LRRC4C: variants seen among roughly 807,000 people sequenced by gnomAD.
LRRC4C encodes the protein leucine rich repeat containing 4C, also known as leucine-rich repeat-containing protein 4C.
A neutral mutation model predicts 33.6 loss-of-function variants in LRRC4C; 5 were observed. That is an observed-to-expected ratio of 0.15 (90% CI 0.08 to 0.31). LRRC4C has a LOEUF of 0.31. Among genes scored for constraint, LRRC4C ranks in the 10% least tolerant of loss-of-function variants. LRRC4C has a pLI of 1.00. For synonymous variants in LRRC4C, 329 were observed against 302.0 expected (o/e 1.09, Z -0.93); for missense variants, 560 against 796.7 (o/e 0.70, Z 3.58).
chr11:40,308,171 A>G (rs1590264856), intron 4 of LRRC4C, among the ~76,000 whole-genome samples: 1 of 151,810 alleles, frequency 6.6e-6, no homozygotes, highest in African/African-American at 2.4e-5. Flanking sequence ...TCTTCCTGTG[A>G]TTTCAGAAAA....
At chr11:40,376,721 A>ATGTGTGTG (rs61662311) in intron 3 of LRRC4C, among the ~76,000 whole-genome samples, 6 of 147,854 alleles carry the variant, frequency 4.1e-5, no homozygotes, top group Admixed American at 2.0e-4. Context: ...GTGTGTGCTT[A>ATGTGTGTG]TGTGTGTGTG....
chr11:40,562,058 T>C (rs973365566), intron 3 of LRRC4C, among the ~76,000 whole-genome samples: 9 of 152,362 alleles, frequency 5.9e-5, no homozygotes, highest in African/African-American at 2.2e-4. Context: ...ACAACACTTA[T>C]GGCTGATTTA....
chr11:40,375,691 A>C (rs950071149), intron 3 of LRRC4C, among the ~76,000 whole-genome samples: 5 of 152,178 alleles, frequency 3.3e-5, no homozygotes, highest in Non-Finnish European at 7.3e-5. Flanking sequence ...AATAATTTTT[A>C]TCTCTCACTT....
intron 2 of LRRC4C, among the ~76,000 whole-genome samples, chr11:40,792,687 C>G (rs61888009): frequency 2.0e-5 from 3 of 151,964 alleles, no homozygotes; most frequent in Admixed American, 6.6e-5. Flanking sequence ...CACATGCACA[C>G]GTATGTTTAT....
intron 5 of LRRC4C, among the ~76,000 whole-genome samples, chr11:40,199,955 T>C (rs1862572415): frequency 6.6e-6 from 1 of 151,982 alleles, no homozygotes; most frequent in Non-Finnish European, 1.5e-5. Flanking sequence ...CACATAGTTA[T>C]AAATGCTGGA....
At chr11:40,886,983 C>T (rs945941664) in intron 2 of LRRC4C, among the ~76,000 whole-genome samples, 65 of 142,126 alleles carry the variant, frequency 4.6e-4, no homozygotes, top group African/African-American at 1.3e-3. Context: ...TATATATATA[C>T]GTGTATATAT....
intron 3 of LRRC4C, among the ~76,000 whole-genome samples, chr11:40,531,917 GA>G (rs1956287346): frequency 6.6e-6 from 1 of 150,554 alleles, no homozygotes; most frequent in Non-Finnish European, 1.5e-5. Context: ...GATTTTATAA[GA>G]AAGGATTTTG....
chr11:40,670,258 T>G (rs1944024959), intron 2 of LRRC4C, among the ~76,000 whole-genome samples: 1 of 152,216 alleles, frequency 6.6e-6, no homozygotes, highest in African/African-American at 2.4e-5. Context: ...TCCCTGTACC[T>G]ACAGTGAAAA....
At chr11:40,657,611 C>T (rs1323028155) in intron 2 of LRRC4C, among the ~76,000 whole-genome samples, 3 of 152,212 alleles carry the variant, frequency 2.0e-5, no homozygotes, top group African/African-American at 7.2e-5. Context: ...CCTGGAAGGC[C>T]TCTCCCAGAT....
intron 1 of LRRC4C, among the ~76,000 whole-genome samples, chr11:41,416,066 T>C (rs540184312): frequency 2.0e-5 from 3 of 152,098 alleles, no homozygotes; most frequent in South Asian, 2.1e-4. Flanking sequence ...GGGAAGGAGA[T>C]AGGAAGCTGC....
At chr11:40,656,881 A>C (rs1943149061) in intron 2 of LRRC4C, among the ~76,000 whole-genome samples, 1 of 152,226 alleles carries the variant, frequency 6.6e-6, no homozygotes, top group South Asian at 2.1e-4. Context: ...TAAATTGAGC[A>C]TTGTAGAAAT....
intron 1 of LRRC4C, among the ~76,000 whole-genome samples, chr11:41,444,181 T>C (rs1955746077): frequency 6.6e-6 from 1 of 152,168 alleles, no homozygotes; most frequent in African/African-American, 2.4e-5. Flanking sequence ...ATGAGTACAG[T>C]TGGCTCTCTG....
chr11:40,629,082 A>AATTAATT (rs1963233395), intron 3 of LRRC4C, among the ~76,000 whole-genome samples: 1 of 152,202 alleles, frequency 6.6e-6, no homozygotes, highest in African/African-American at 2.4e-5. Context: ...ATTACTTAGC[A>AATTAATT]AGTTGCAATT....
chr11:41,151,260 C>T (rs1226324871), intron 1 of LRRC4C, among the ~76,000 whole-genome samples: 7 of 152,154 alleles, frequency 4.6e-5, no homozygotes. Flanking sequence ...TAACAAACAA[C>T]ATTGTCAGCT....
At chr11:40,449,108 T>C (rs1170354251) in intron 3 of LRRC4C, among the ~76,000 whole-genome samples, 1 of 152,172 alleles carries the variant, frequency 6.6e-6, no homozygotes, top group Non-Finnish European at 1.5e-5. Context: ...TTTTTTTTCT[T>C]GTAAATTTAA....
chr11:41,064,897 G>C (rs1022964045), intron 1 of LRRC4C, among the ~76,000 whole-genome samples: 2 of 152,190 alleles, frequency 1.3e-5, no homozygotes, highest in Admixed American at 1.3e-4. Flanking sequence ...TTTTTTCTCA[G>C]GGATTTTCGC....
rs545174172 is a variant in LRRC4C at position 40,877,079 on chromosome 11, G to A, written c.-407+56556C>T. Among the ~76,000 whole-genome samples, 24 of 151,970 alleles carry A rather than the reference G, an allele frequency of 1.6e-4. No homozygotes were observed. The South Asian group carries it at 3.5e-3, about 22-fold the overall frequency. On this transcript the variant is annotated intron_variant, in intron 2 of 6. Transcript: ENST00000528697. ...CAGATGTAAGGGCATGTACTTTAACGAGGTTGATAATTTAAACTCATCCTG... is the reference window on the plus strand; with the variant it reads ...CAGATGTAAGGGCATGTACTTTAACAAGGTTGATAATTTAAACTCATCCTG...
intron 2 of LRRC4C, among the ~76,000 whole-genome samples, chr11:40,837,982 T>G (rs1952751595): frequency 6.6e-6 from 1 of 152,184 alleles, no homozygotes; most frequent in Non-Finnish European, 1.5e-5. Flanking sequence ...AAAAATACCA[T>G]TGAAAATAAC....
chr11:40,992,794 AT>A (rs1371097354), intron 1 of LRRC4C, among the ~76,000 whole-genome samples: 1 of 152,154 alleles, frequency 6.6e-6, no homozygotes, highest in Non-Finnish European at 1.5e-5. Flanking sequence ...TTTAATATTT[AT>A]TTCTCCATCT....
Sources: gnomAD v4.1 joint callset for allele counts (sites outside exome capture counted in the v4.1 genomes callset) on GRCh38, gnomAD v4.1.1 for gene constraint, MANE v1.5 for transcripts, NCBI Gene and HGNC (gene_info 2026-07-23, HGNC 2026-07-21) for gene names.